Variants in SATB2 observed in about 807,000 individuals in gnomAD.
The protein encoded by SATB2 is SATB homeobox 2.
SATB2 carries 1 observed loss-of-function variant against 73.4 expected under a neutral mutation model. The ratio of observed to expected loss-of-function variants is 0.01; its 90% CI spans 0.00 to 0.06. SATB2 has a LOEUF of 0.06. Among genes scored for constraint, SATB2 ranks in the 10% least tolerant of loss-of-function variants. The probability of loss-of-function intolerance (pLI) is 1.00; values close to 1 mark genes in which losing one functional copy is unlikely to be tolerated. For missense variants in SATB2, 459 were observed against 945.8 expected (o/e 0.49, Z 6.75); for synonymous variants, 397 against 367.0 (o/e 1.08, Z -0.93).
At chr2:199,467,229 G>T (rs1001919003), upstream of SATB2, among the ~76,000 whole-genome samples, 3 of 152,260 alleles carry the variant, frequency 2.0e-5, no homozygotes, top group Non-Finnish European at 4.4e-5. Flanking sequence ...TGGCTAAGGA[G>T]CCAGGTGGAT....
chr2:199,391,174 G>A (rs981186693), intron 3 of SATB2, among the ~76,000 whole-genome samples: 2 of 151,924 alleles, frequency 1.3e-5, no homozygotes, highest in African/African-American at 4.8e-5. Context: ...GGCCGGGCGC[G>A]GTGGCTCACG....
chr2:199,336,745 T>C (rs547328224), intron 7 of SATB2, among the ~76,000 whole-genome samples: 2 of 152,300 alleles, frequency 1.3e-5, no homozygotes, highest in East Asian at 3.9e-4. Flanking sequence ...CTGTACCTCT[T>C]TGAAGAAGGG....
chr2:199,388,718 T>C (rs1397144189), intron 3 of SATB2, among the ~76,000 whole-genome samples: 5 of 152,116 alleles, frequency 3.3e-5, no homozygotes, highest in African/African-American at 1.2e-4. Flanking sequence ...AGGCTGGGGT[T>C]TGTATATCTC....
chr2:199,308,631 T>C lies in SATB2; in HGVS notation c.1740+129A>G. Reference sequence around the variant, plus strand: ...CCCACTGTGACGACAGCGTCTTCTGTACTTGGGGACCTGGCATGAGACACC... The same window carrying C: ...CCCACTGTGACGACAGCGTCTTCTGCACTTGGGGACCTGGCATGAGACACC... On this transcript the variant is annotated intron_variant, in intron 10 of 10. Transcript: ENST00000417098. The surrounding 1 kb of genome is among the most constrained non-coding windows in gnomAD (Gnocchi z 4.6). The C allele has an allele frequency of 1.3e-6, 1 of 754,342 alleles. No individual in the cohort carries two copies. The highest frequency in any genetic ancestry group is 2.3e-6 in the Non-Finnish European group (1 of 434,236). The allele number at this position is 754,342 out of a possible 1,614,324, so 46.7% of individuals were successfully genotyped here.
At chr2:199,289,102 C>T (rs1692771631) in intron 10 of SATB2, among the ~76,000 whole-genome samples, 1 of 152,126 alleles carries the variant, frequency 6.6e-6, no homozygotes, top group South Asian at 2.1e-4. Flanking sequence ...AGTTTGGGCT[C>T]TTAATTCTAG....
Position 199,455,827 on chromosome 2 carries a change from A to G in SATB2, c.169+42T>C, listed in dbSNP as rs1692255536. ...GAACCCTGACACCCGGGCCATTATC[A>G]CTGGGCCGCGGGCTGCGCGCCTCCC... On this transcript the variant is annotated intron_variant, in intron 2 of 10. Transcript: ENST00000417098. The surrounding 1 kb of genome is among the most constrained non-coding windows in gnomAD (Gnocchi z 4.1). The G allele has an allele frequency of 2.0e-6, 3 of 1,532,192 alleles. No homozygotes were observed. Among genetic ancestry groups the G allele is most frequent in the Non-Finnish European group, 2.6e-6 (3 of 1,144,876 alleles). The allele number at this position is 1,532,192 out of a possible 1,614,324, so 94.9% of individuals were successfully genotyped here.
At chr2:199,284,091 C>T (rs991699713) in intron 10 of SATB2, among the ~76,000 whole-genome samples, 3 of 152,156 alleles carry the variant, frequency 2.0e-5, no homozygotes, top group African/African-American at 7.2e-5. Flanking sequence ...CCAATTATAC[C>T]TTTTAACCTT....
chr2:199,427,415 A>T (rs761118334), intron 3 of SATB2, among the ~76,000 whole-genome samples: 2 of 152,166 alleles, frequency 1.3e-5, no homozygotes, highest in African/African-American at 4.8e-5. Context: ...AACACTAAAA[A>T]AAAAATTACA....
At chr2:199,441,896 G>A (rs1691826857) in intron 2 of SATB2, among the ~76,000 whole-genome samples, 1 of 152,170 alleles carries the variant, frequency 6.6e-6, no homozygotes, top group African/African-American at 2.4e-5. Flanking sequence ...CACATAGGAG[G>A]CAATTTGTGG....
At chr2:199,323,061 T>C (rs1466117990) in intron 9 of SATB2, among the ~76,000 whole-genome samples, 1 of 152,120 alleles carries the variant, frequency 6.6e-6, no homozygotes, top group Non-Finnish European at 1.5e-5. Flanking sequence ...ATTCTAGGTT[T>C]GGGCAGAAGT....
intron 8 of SATB2, among the ~76,000 whole-genome samples, chr2:199,328,238 G>A (rs1014205156): frequency 9.9e-5 from 15 of 152,084 alleles, no homozygotes; most frequent in South Asian, 2.1e-4. Flanking sequence ...CATGTTCAGC[G>A]GATTAAGAAA....
At chr2:199,386,706 GCGCGCGCGCGCACACA>G (rs1340036330) in intron 3 of SATB2, among the ~76,000 whole-genome samples, 973 of 95,872 alleles carry the variant, frequency 0.01, 14 homozygotes, top group African/African-American at 0.034. Flanking sequence ...GCGCGCGCGC[GCGCGCGCGCGCACACA>G]CACACACACA....
rs569437213 is a variant in SATB2 at position 199,431,233 on chromosome 2, T to A, written c.346+2105A>T. On this transcript the variant is annotated intron_variant, in intron 3 of 10. Transcript: ENST00000417098. ...TTATCCAGCATATGAATTACCTGTC[T>A]TATCATGCATACTATTTGGTCTACA... 2.0e-5 allele frequency among the ~76,000 whole-genome samples: 3 copies of A among 152,346 alleles called. No individual in the cohort carries two copies. In the South Asian group the frequency reaches 6.2e-4, roughly 32 times the overall value.
At chr2:199,449,065 A>G (rs538511584) in intron 2 of SATB2, among the ~76,000 whole-genome samples, 2 of 152,320 alleles carry the variant, frequency 1.3e-5, no homozygotes, top group East Asian at 3.9e-4. Flanking sequence ...AATTCTTAAA[A>G]TTTCTATTCA....
chr2:199,380,675 CTTTT>C (rs1162354630), intron 4 of SATB2, among the ~76,000 whole-genome samples, 188 bp from the exon 5 acceptor site: 4 of 152,126 alleles, frequency 2.6e-5, no homozygotes, highest in African/African-American at 9.7e-5. Flanking sequence ...CAAGGGGTCT[CTTTT>C]GAGTTTGTCA....
Position 199,308,181 on chromosome 2 carries a change from A to G in SATB2, c.1740+579T>C, listed in dbSNP as rs925016061. Reference sequence around the variant, plus strand: ...CAATGAGAGCAAAAACTAAGCCAACAAAACACGCAATCCAAAGGAAGGCAG... The same window carrying G: ...CAATGAGAGCAAAAACTAAGCCAACGAAACACGCAATCCAAAGGAAGGCAG... On this transcript the variant is annotated intron_variant, in intron 10 of 10. Transcript: ENST00000417098. This position sits in a 1 kb window ranked among gnomAD's most constrained non-coding sequence, Gnocchi z 4.6. 5.3e-5 allele frequency among the ~76,000 whole-genome samples: 8 copies of G among 152,204 alleles called. No individual in the cohort carries two copies. The highest frequency in any genetic ancestry group is 1.9e-4 in the African/African-American group (8 of 41,448).
At chr2:199,347,527 GTGT>G (rs1688689829) in intron 7 of SATB2, 1 of 117,598 alleles carries the variant, frequency 8.5e-6, no homozygotes, top group Non-Finnish European at 1.8e-5. Flanking sequence ...ATACTCTAGA[GTGT>G]TGTTTACATA....
chr2:199,359,223 GTC>G (rs766770631), intron 6 of SATB2, among the ~76,000 whole-genome samples: 5 of 152,076 alleles, frequency 3.3e-5, no homozygotes, highest in Admixed American at 1.3e-4. Context: ...CCTCTGACCA[GTC>G]TCTGTGATTT....
At chr2:199,287,740 C>T (rs945196186) in intron 10 of SATB2, among the ~76,000 whole-genome samples, 17 of 152,050 alleles carry the variant, frequency 1.1e-4, no homozygotes, top group African/African-American at 4.1e-4. Context: ...TTATTTAAAT[C>T]CTGTAATTAT....
Sources: allele counts gnomAD v4.1 joint callset (sites outside exome capture counted in the v4.1 genomes callset), GRCh38; gene constraint gnomAD v4.1.1; non-coding constraint Gnocchi (gnomAD v3.1); transcripts MANE v1.5; gene names NCBI Gene and HGNC (gene_info 2026-07-23, HGNC 2026-07-21).